Variants in PCBP3 observed in about 807,000 individuals in gnomAD.
PCBP3 encodes poly(rC)-binding protein 3.
In PCBP3, 25 loss-of-function variants were observed where a neutral mutation model predicts 52.7. The ratio of observed to expected loss-of-function variants is 0.47; its 90% CI spans 0.35 to 0.66. The LOEUF is 0.66. Ranked by LOEUF, PCBP3 falls within the 30% of genes least tolerant of loss-of-function variation. The pLI is 0.01. For missense variants in PCBP3, 391 were observed against 490.3 expected (o/e 0.80, Z 1.91); for synonymous variants, 162 against 183.0 (o/e 0.89, Z 0.93).
intron 4 of PCBP3, among the ~76,000 whole-genome samples, chr21:45,795,781 TA>T (rs957361672): frequency 6.6e-6 from 1 of 152,078 alleles, no homozygotes; most frequent in Non-Finnish European, 1.5e-5. Flanking sequence ...CTTGGTGCAA[TA>T]AATTCTGAAA....
chr21:45,885,510 C>A (rs925666107), intron 5 of PCBP3, among the ~76,000 whole-genome samples: 1 of 152,094 alleles, frequency 6.6e-6, no homozygotes, highest in African/African-American at 2.4e-5. Flanking sequence ...TTTCTGGTAC[C>A]CTAAGGACAT....
chr21:45,710,907 T>C (rs548586523), intron 2 of PCBP3, among the ~76,000 whole-genome samples: 2 of 152,368 alleles, frequency 1.3e-5, no homozygotes, highest in South Asian at 4.1e-4. Context: ...GCATTTTTTT[T>C]CTCTCAAATT....
chr21:45,781,249 G>A (rs2146058587), intron 4 of PCBP3, among the ~76,000 whole-genome samples: 1 of 152,216 alleles, frequency 6.6e-6, no homozygotes. Flanking sequence ...ACAAGCCACA[G>A]ACTGGGAAAA....
chr21:45,646,107 C>CTCTCTCTGTG (rs1555895746), intron 1 of PCBP3, among the ~76,000 whole-genome samples: 10 of 83,818 alleles, frequency 1.2e-4, no homozygotes, highest in East Asian at 3.5e-4. Flanking sequence ...CTCTCTCTCT[C>CTCTCTCTGTG]TGTGTGTGTG....
At chr21:45,678,787 G>A (rs2081630859) in intron 2 of PCBP3, among the ~76,000 whole-genome samples, 1 of 151,828 alleles carries the variant, frequency 6.6e-6, no homozygotes, top group Non-Finnish European at 1.5e-5. Context: ...TATTACATAA[G>A]CTTAGTTGCT....
At chr21:45,933,364 A>G (rs1172497563) in intron 15 of PCBP3, among the ~76,000 whole-genome samples, 1 of 152,258 alleles carries the variant, frequency 6.6e-6, no homozygotes, top group Admixed American at 6.5e-5. Context: ...GGTTATGCAG[A>G]CATTTCTTTA....
chr21:45,677,739 C>G (rs183495500), intron 2 of PCBP3, among the ~76,000 whole-genome samples: 1 of 152,300 alleles, frequency 6.6e-6, no homozygotes, highest in Admixed American at 6.5e-5. Context: ...TTCCAAAACT[C>G]TAGGATCCTT....
chr21:45,765,166 A>T (rs9979633), intron 4 of PCBP3, among the ~76,000 whole-genome samples: 1 of 151,966 alleles, frequency 6.6e-6, no homozygotes, highest in South Asian at 2.1e-4. Context: ...GAAGGTGGGG[A>T]TAGACAGAGA....
At chr21:45,644,090 G>C (rs2079094415) in intron 1 of PCBP3, among the ~76,000 whole-genome samples, 2 of 150,258 alleles carry the variant, frequency 1.3e-5, no homozygotes, top group Non-Finnish European at 3.0e-5. Flanking sequence ...CTCAAGGTGC[G>C]GTCGCCAGGC....
At position 45,917,314 on chromosome 21, in the gene PCBP3, C is replaced by T. The variant is rs1263665779; in HGVS notation, c.676-274C>T. On this transcript the variant is annotated intron_variant, in intron 12 of 17. Coordinates refer to ENST00000681687, the MANE Select transcript of PCBP3 (RefSeq NM_001384156.1). The surrounding 1 kb of genome is among the most constrained non-coding windows in gnomAD (Gnocchi z 5.3). ...TCTTCGATTCTTTTGCTTTAAGAAACTTGGAGTCGGAAGCATCAAGGCTGA... is the reference window on the plus strand; with the variant it reads ...TCTTCGATTCTTTTGCTTTAAGAAATTTGGAGTCGGAAGCATCAAGGCTGA... 2.6e-6 allele frequency: 1 copy of T among 379,232 alleles called. No individual in the cohort carries two copies. Among genetic ancestry groups the T allele is most frequent in the African/African-American group, 2.1e-5 (1 of 47,826 alleles). 23.5% of individuals were successfully genotyped at this position (379,232 alleles called of 1,614,324 possible).
At chr21:45,868,710 C>T (rs1009984333) in intron 5 of PCBP3, among the ~76,000 whole-genome samples, 5 of 152,234 alleles carry the variant, frequency 3.3e-5, no homozygotes, top group Non-Finnish European at 7.3e-5. Flanking sequence ...TTGCACGTCC[C>T]CCCGTCACCG....
chr21:45,913,532 A>G (rs967215713), intron 11 of PCBP3, among the ~76,000 whole-genome samples: 3 of 152,196 alleles, frequency 2.0e-5, no homozygotes, highest in Admixed American at 6.5e-5. Context: ...TGGAGGGGCC[A>G]GCACCGCAGG....
At chr21:45,646,881 TG>T (rs1050253197) in intron 1 of PCBP3, among the ~76,000 whole-genome samples, 85 of 152,366 alleles carry the variant, frequency 5.6e-4, no homozygotes, top group African/African-American at 1.8e-3. Flanking sequence ...TTCCTGGCGA[TG>T]GGATCTGTTT....
At chr21:45,744,914 T>A (rs2086716012) in intron 3 of PCBP3, among the ~76,000 whole-genome samples, 1 of 152,234 alleles carries the variant, frequency 6.6e-6, no homozygotes, top group African/African-American at 2.4e-5. Flanking sequence ...ACTTTTTAAG[T>A]ATCATGTTTG....
chr21:45,920,429 G>A (rs1420006797), intron 13 of PCBP3, among the ~76,000 whole-genome samples: 4 of 152,226 alleles, frequency 2.6e-5, no homozygotes, highest in Non-Finnish European at 4.4e-5. Context: ...TTAGAAATGG[G>A]TAGTTGTGCA....
chr21:45,917,895 T>C lies in PCBP3; in HGVS notation c.717+266T>C, dbSNP rs937292917. 2 of 499,172 alleles carry C rather than the reference T, an allele frequency of 4.0e-6. No homozygotes were observed. Among genetic ancestry groups the C allele is most frequent in the Non-Finnish European group, 7.5e-6 (2 of 268,410 alleles). The allele number at this position is 499,172 out of a possible 1,614,324, so 30.9% of individuals were successfully genotyped here. Reference sequence around the variant, plus strand: ...GGGTTTTCCTCCCTCCCACGGGGCCTGGGAGGGAACTGAGACGGGCTCTGT... The same window carrying C: ...GGGTTTTCCTCCCTCCCACGGGGCCCGGGAGGGAACTGAGACGGGCTCTGT... On this transcript the variant is annotated intron_variant, in intron 13 of 17. Coordinates refer to ENST00000681687, the MANE Select transcript of PCBP3 (RefSeq NM_001384156.1). This position sits in a 1 kb window ranked among gnomAD's most constrained non-coding sequence, Gnocchi z 5.3.
chr21:45,720,865 C>G (rs1428149487), intron 2 of PCBP3, among the ~76,000 whole-genome samples: 1 of 152,200 alleles, frequency 6.6e-6, no homozygotes, highest in African/African-American at 2.4e-5. Context: ...TGATTTGGAC[C>G]TTGACTTCAA....
chr21:45,751,263 C>T (rs2087468073), intron 3 of PCBP3, among the ~76,000 whole-genome samples: 1 of 152,174 alleles, frequency 6.6e-6, no homozygotes, highest in Admixed American at 6.5e-5. Context: ...TGTTTCTCTT[C>T]TTTTTTCTTT....
At position 45,650,595 on chromosome 21, in the gene PCBP3, C is replaced by T. The variant is rs753043267; in HGVS notation, c.-279+6727C>T. On this transcript the variant is annotated intron_variant, in intron 1 of 17. Coordinates refer to ENST00000681687, the MANE Select transcript of PCBP3 (RefSeq NM_001384156.1). ...CTTCTTGATTAGCTGGGATTATAGG[C>T]GCAAACCACCATGCTCAGATAATTT... 3.9e-5 allele frequency among the ~76,000 whole-genome samples: 6 copies of T among 152,020 alleles called. No individual in the cohort carries two copies. In the South Asian group the frequency reaches 6.2e-4, roughly 16 times the overall value.
Sources: allele counts gnomAD v4.1 joint callset (sites outside exome capture counted in the v4.1 genomes callset), GRCh38; gene constraint gnomAD v4.1.1; non-coding constraint Gnocchi (gnomAD v3.1); transcripts MANE v1.5; gene names NCBI Gene and HGNC (gene_info 2026-07-23, HGNC 2026-07-21).